The following BRD10 variants were observed in gnomAD, a reference collection of about 807,000 sequenced individuals.
BRD10 encodes the protein bromodomain containing 10, also known as uncharacterized bromodomain-containing protein 10.
the BRD10 span, chr9:5,907,101 T>TTCA: frequency 2.8e-6 from 2 of 718,828 alleles, no homozygotes; most frequent in Non-Finnish European, 4.3e-6. Context: ...GTGAATGTAC[T>TTCA]CATTGCCACT....
chr9:5,970,771 C>A, the BRD10 span, among the ~76,000 whole-genome samples: 1 of 152,078 alleles, frequency 6.6e-6, no homozygotes, highest in African/African-American at 2.4e-5. Context: ...AATGGACAGG[C>A]TGGGTACAGT....
At chr9:5,966,622 G>C in the BRD10 span, among the ~76,000 whole-genome samples, 1 of 151,740 alleles carries the variant, frequency 6.6e-6, no homozygotes, top group African/African-American at 2.4e-5. Flanking sequence ...ACCATGCCCA[G>C]CTAATTTTTG....
the BRD10 span, among the ~76,000 whole-genome samples, chr9:5,932,947 T>A: frequency 1.3e-5 from 2 of 152,114 alleles, no homozygotes; most frequent in Admixed American, 6.6e-5. Context: ...TGACCTAAAG[T>A]TAAGAGTGAA....
chr9:5,932,497 T>C, the BRD10 span, among the ~76,000 whole-genome samples: 3 of 152,178 alleles, frequency 2.0e-5, no homozygotes, highest in Non-Finnish European at 4.4e-5. Flanking sequence ...CTAGACAATA[T>C]AGTATAACCA....
the BRD10 span, among the ~76,000 whole-genome samples, chr9:5,951,011 C>T: frequency 1.6e-4 from 23 of 147,684 alleles, no homozygotes; most frequent in Non-Finnish European, 2.5e-4. Context: ...AGATGCAGAA[C>T]CTACAGATAC....
the BRD10 span, among the ~76,000 whole-genome samples, chr9:5,882,674 C>T: frequency 1.3e-5 from 2 of 152,214 alleles, no homozygotes; most frequent in African/African-American, 2.4e-5. Flanking sequence ...ATGTAATCCT[C>T]TTCACTTTTC....
At chr9:5,939,247 T>C in the BRD10 span, among the ~76,000 whole-genome samples, 1 of 152,286 alleles carries the variant, frequency 6.6e-6, no homozygotes, top group South Asian at 2.1e-4. Flanking sequence ...AAAACACTAC[T>C]ATTACATGTG....
the BRD10 span, chr9:5,899,296 G>A: frequency 6.6e-6 from 1 of 152,184 alleles, no homozygotes; most frequent in Non-Finnish European, 1.5e-5. Flanking sequence ...GGGGATTGAA[G>A]CTTGGCAAGC....
At chr9:5,887,023 C>T in the BRD10 span, among the ~76,000 whole-genome samples, 1 of 152,132 alleles carries the variant, frequency 6.6e-6, no homozygotes, top group Non-Finnish European at 1.5e-5. Flanking sequence ...CTTTGGGAGG[C>T]AGAGGTGGGC....
At chr9:5,900,471 A>G in the BRD10 span, among the ~76,000 whole-genome samples, 1 of 152,238 alleles carries the variant, frequency 6.6e-6, no homozygotes, top group Non-Finnish European at 1.5e-5. Flanking sequence ...AAAATTATGT[A>G]AAATAGTGCA....
the BRD10 span, among the ~76,000 whole-genome samples, chr9:5,892,991 C>A: frequency 0.054 from 8,236 of 152,220 alleles, 713 homozygotes; most frequent in African/African-American, 0.18. Context: ...AGCCCACAGC[C>A]AGACTCGAGA....
At chr9:5,920,917 A>G in the BRD10 span, 1 of 1,614,020 alleles carries the variant, frequency 6.2e-7, no homozygotes, top group Non-Finnish European at 8.5e-7. Flanking sequence ...TTGACAAAAT[A>G]GGCATAATTC....
At chr9:5,977,630 G>A in the BRD10 span, among the ~76,000 whole-genome samples, 55 of 152,244 alleles carry the variant, frequency 3.6e-4, no homozygotes, top group East Asian at 2.7e-3. Context: ...GGCAGATCAC[G>A]AGGTCAGGAG....
chr9:5,879,214 G>C, the BRD10 span, among the ~76,000 whole-genome samples: 4 of 152,192 alleles, frequency 2.6e-5, no homozygotes, highest in African/African-American at 9.6e-5. Flanking sequence ...TGTAATTCCA[G>C]CACTTTAGGA....
chr9:5,993,899 C>T, the BRD10 span, among the ~76,000 whole-genome samples: 2 of 152,228 alleles, frequency 1.3e-5, no homozygotes, highest in Non-Finnish European at 2.9e-5. Context: ...CCAAGAACAA[C>T]TAATTAAATT....
At chr9:5,984,137 TATCAG>T in the BRD10 span, among the ~76,000 whole-genome samples, 119 of 152,262 alleles carry the variant, frequency 7.8e-4, 1 homozygote, top group African/African-American at 2.7e-3. Flanking sequence ...AGAAAAATGA[TATCAG>T]ATGGTATCAT....
the BRD10 span, chr9:5,968,467 A>G: frequency 3.1e-6 from 5 of 1,611,482 alleles, no homozygotes; most frequent in African/African-American, 6.7e-5. Flanking sequence ...GTTTCTCTAA[A>G]TTTTCTTTAC....
At chr9:5,917,895 G>A in the BRD10 span, among the ~76,000 whole-genome samples, 1 of 152,174 alleles carries the variant, frequency 6.6e-6, no homozygotes, top group Non-Finnish European at 1.5e-5. Flanking sequence ...GTCCTTCACT[G>A]GGATTAAAGT....
chr9:5,895,278 C>G, the BRD10 span, among the ~76,000 whole-genome samples: 3 of 152,140 alleles, frequency 2.0e-5, no homozygotes, highest in African/African-American at 7.2e-5. Flanking sequence ...TAAGTAACTG[C>G]ACATGGCCAC....
Sources: gnomAD v4.1 joint callset for allele counts (sites outside exome capture counted in the v4.1 genomes callset) on GRCh38, gnomAD v4.1.1 for gene constraint, MANE v1.5 for transcripts, NCBI Gene and HGNC (gene_info 2026-07-23, HGNC 2026-07-21) for gene names.